OSBPL8: variants seen among roughly 807,000 people sequenced by gnomAD.
The protein encoded by OSBPL8 is oxysterol-binding protein-related protein 8.
In OSBPL8, 59 loss-of-function variants were observed where a neutral mutation model predicts 125.5. The ratio of observed to expected loss-of-function variants is 0.47; its 90% CI spans 0.38 to 0.58. The LOEUF (loss-of-function observed/expected upper bound fraction) is 0.58, where lower values mean the gene tolerates loss of function less well. Ranked by LOEUF, OSBPL8 falls within the 20% of genes least tolerant of loss-of-function variation. The probability of loss-of-function intolerance (pLI) is 0.00; values close to 1 mark genes in which losing one functional copy is unlikely to be tolerated. For missense variants in OSBPL8, 758 were observed against 1,047.8 expected (o/e 0.72, Z 3.82); for synonymous variants, 330 against 338.9 (o/e 0.97, Z 0.29).
chr12:76,371,884 A>G (rs1952632290), intron 18 of OSBPL8: 3 of 190,730 alleles, frequency 1.6e-5, no homozygotes, highest in South Asian at 1.3e-4. Context: ...CTCAATAACC[A>G]TCTCCAAACT....
chr12:76,498,697 G>A (rs1224232174), intron 1 of OSBPL8, among the ~76,000 whole-genome samples: 1 of 149,264 alleles, frequency 6.7e-6, no homozygotes, highest in East Asian at 2.0e-4. Flanking sequence ...AATCCCTCTG[G>A]CACTTAGTGG....
chr12:76,554,690 TC>T (rs1951043559), intron 1 of OSBPL8, among the ~76,000 whole-genome samples: 1 of 152,222 alleles, frequency 6.6e-6, no homozygotes, highest in Non-Finnish European at 1.5e-5. Flanking sequence ...TATAACAATT[TC>T]CCTCTGAATC....
At chr12:76,364,757 C>T (rs1952349093) in intron 21 of OSBPL8, among the ~76,000 whole-genome samples, 1 of 152,108 alleles carries the variant, frequency 6.6e-6, no homozygotes, top group Non-Finnish European at 1.5e-5. Flanking sequence ...TACCACGTTC[C>T]TTTGATTACT....
intron 1 of OSBPL8, among the ~76,000 whole-genome samples, chr12:76,510,897 A>ATAT (rs55639733): frequency 7.3e-5 from 11 of 150,970 alleles, no homozygotes; most frequent in African/African-American, 2.4e-4. Flanking sequence ...AAAAAAAAAA[A>ATAT]ATATATTTAC....
intron 1 of OSBPL8, among the ~76,000 whole-genome samples, chr12:76,499,293 T>C (rs879431980): frequency 3.4e-5 from 5 of 146,580 alleles, no homozygotes; most frequent in Admixed American, 7.0e-5. Flanking sequence ...TGTAAGTTAA[T>C]ACTTAATAAA....
intron 16 of OSBPL8, among the ~76,000 whole-genome samples, chr12:76,376,507 G>C (rs1160831500): frequency 1.3e-5 from 2 of 152,104 alleles, no homozygotes; most frequent in African/African-American, 2.4e-5. Flanking sequence ...TTCGCAAGTG[G>C]TTATAACTTC....
chr12:76,356,766 A>G, intron 22 of OSBPL8, 38 bp from the exon 23 acceptor site: 2 of 1,379,200 alleles, frequency 1.5e-6, no homozygotes, highest in Non-Finnish European at 2.0e-6. Flanking sequence ...AACTATAAAA[A>G]TAATCTACAG....
At chr12:76,422,881 A>G (rs890579147) in intron 4 of OSBPL8, 2 of 216,378 alleles carry the variant, frequency 9.2e-6, no homozygotes, top group Non-Finnish European at 1.9e-5. Context: ...ATTTTTTAAA[A>G]AAAGGAACTG....
chr12:76,370,918 A>G (rs997916463), intron 19 of OSBPL8, among the ~76,000 whole-genome samples: 3 of 152,218 alleles, frequency 2.0e-5, no homozygotes, highest in African/African-American at 7.2e-5. Context: ...ATGTGTATAC[A>G]ATATTTCTGA....
At chr12:76,474,671 C>G (rs577789755) in intron 2 of OSBPL8, among the ~76,000 whole-genome samples, 1 of 152,156 alleles carries the variant, frequency 6.6e-6, no homozygotes, top group South Asian at 2.1e-4. Flanking sequence ...TTTGTAGAAA[C>G]AAGGTCTCAC....
intron 18 of OSBPL8, chr12:76,371,937 C>G (rs987025243): frequency 8.1e-5 from 13 of 161,436 alleles, no homozygotes; most frequent in Admixed American, 1.2e-4. Flanking sequence ...CAATGAGATG[C>G]TGTTGACTAT....
intron 3 of OSBPL8, 112 bp from the exon 4 acceptor site, chr12:76,451,100 AT>A: frequency 1.7e-6 from 2 of 1,145,572 alleles, no homozygotes; most frequent in Non-Finnish European, 1.2e-6. Flanking sequence ...GGTTATATTC[AT>A]TTTACCAACT....
At position 76,369,241 on chromosome 12, in the gene OSBPL8, C is replaced by A; in HGVS notation, c.2301G>T (p.Gln767His). Reference sequence around the variant, plus strand: ...TTGGAGTACGATGTTTCACTTTGGTCTGAATAACACCATCTTTTTCAAACT... The same window carrying A: ...TTGGAGTACGATGTTTCACTTTGGTATGAATAACACCATCTTTTTCAAACT... ...MIQFEKDGVI[Q>H]TKVKHRTPMV... Residue 767 changes from glutamine (Q) to histidine (H), a missense_variant, in exon 21 of 24, where the codon CAG becomes CAT. Physicochemically the swap from Gln to His is conservative, Grantham distance 24. Around this residue, in one of 3 missense-constraint regions of OSBPL8, gnomAD observed 572 missense variants for 762.0 expected, o/e 0.75. Coordinates refer to ENST00000261183, the MANE Select transcript of OSBPL8 (RefSeq NM_020841.5). 6.2e-7 allele frequency: 1 copy of A among 1,610,910 alleles called. No homozygotes were observed. The highest frequency in any genetic ancestry group is 1.1e-5 in the South Asian group (1 of 90,780).
At chr12:76,384,711 T>C (rs1218966761) in intron 14 of OSBPL8, among the ~76,000 whole-genome samples, 1 of 152,142 alleles carries the variant, frequency 6.6e-6, no homozygotes, top group Non-Finnish European at 1.5e-5. Context: ...GCTTTGAGAT[T>C]GTGAAAAACC....
At chr12:76,511,655 T>G (rs998168951) in intron 1 of OSBPL8, among the ~76,000 whole-genome samples, 1 of 152,210 alleles carries the variant, frequency 6.6e-6, no homozygotes, top group African/African-American at 2.4e-5. Flanking sequence ...TAGCAAATAT[T>G]TTCTCCCATT....
At chr12:76,425,641 C>T (rs893692180) in intron 4 of OSBPL8, among the ~76,000 whole-genome samples, 2 of 152,176 alleles carry the variant, frequency 1.3e-5, no homozygotes, top group African/African-American at 4.8e-5. Context: ...TCTTTGTTGA[C>T]ACTGGCTTGT....
chr12:76,475,437 C>T (rs1325900583), intron 2 of OSBPL8, among the ~76,000 whole-genome samples: 3 of 152,214 alleles, frequency 2.0e-5, no homozygotes, highest in Admixed American at 6.5e-5. Flanking sequence ...ATTTCACTGT[C>T]TACACTGAGT....
chr12:76,453,531 T>C (rs1873668417), intron 3 of OSBPL8, among the ~76,000 whole-genome samples: 1 of 152,116 alleles, frequency 6.6e-6, no homozygotes, highest in Admixed American at 6.6e-5. Context: ...TCATCAATAT[T>C]GGAAAAGTAG....
chr12:76,401,035 C>G (rs528558153), intron 6 of OSBPL8, among the ~76,000 whole-genome samples: 1 of 151,860 alleles, frequency 6.6e-6, no homozygotes, highest in Non-Finnish European at 1.5e-5. Flanking sequence ...GTGATCCGCC[C>G]GCCTCTCAAA....
Sources: allele counts gnomAD v4.1 joint callset (sites outside exome capture counted in the v4.1 genomes callset), GRCh38; gene constraint gnomAD v4.1.1; regional missense constraint gnomAD v4.1.1; transcripts MANE v1.5; gene names NCBI Gene and HGNC (gene_info 2026-07-23, HGNC 2026-07-21).